The following TCERG1L variants were observed in gnomAD, a reference collection of about 807,000 sequenced individuals.
TCERG1L encodes the protein transcription elongation regulator 1 like.
In TCERG1L, 37 loss-of-function variants were observed where a neutral mutation model predicts 56.3. The observed-to-expected ratio is 0.66, with a 90% CI of 0.51 to 0.87. TCERG1L has a LOEUF of 0.87. TCERG1L is among the 40% of genes least tolerant of loss of function. TCERG1L has a pLI of 0.00. For synonymous variants in TCERG1L, 324 were observed against 326.3 expected (o/e 0.99, Z 0.08); for missense variants, 799 against 774.2 (o/e 1.03, Z -0.38).
chr10:131,260,483 C>T lies in TCERG1L; in HGVS notation c.671-39G>A. The T allele has an allele frequency of 1.5e-6, 2 of 1,362,840 alleles. No homozygotes were observed. Among genetic ancestry groups the T allele is most frequent in the African/African-American group, 1.5e-5 (1 of 65,254 alleles). 84.4% of individuals were successfully genotyped at this position (1,362,840 alleles called of 1,614,324 possible). A position where few individuals can be genotyped will look rare whatever the true frequency, so the allele number is the denominator to read the frequency against. On this transcript the variant is annotated intron_variant, in intron 3 of 11. Transcript: ENST00000368642. This position sits in a 1 kb window ranked among gnomAD's most constrained non-coding sequence, Gnocchi z 5.8. ...ATGCAGAGGGTCAGCAAGGGGACGACCAGGGCCATGGGTGACAGATGCCCA... is the reference window on the plus strand; with the variant it reads ...ATGCAGAGGGTCAGCAAGGGGACGATCAGGGCCATGGGTGACAGATGCCCA...
At chr10:131,272,895 AGTGTT>A (rs1202072528) in intron 3 of TCERG1L, among the ~76,000 whole-genome samples, 1 of 151,886 alleles carries the variant, frequency 6.6e-6, no homozygotes, top group African/African-American at 2.4e-5. Context: ...GGGTGGGGAG[AGTGTT>A]GTTTAGAGGA....
chr10:131,196,719 G>A (rs774741082), intron 4 of TCERG1L, among the ~76,000 whole-genome samples: 15 of 152,180 alleles, frequency 9.9e-5, no homozygotes, highest in Non-Finnish European at 1.6e-4. Context: ...CCCGTGACTC[G>A]GCCTGACTGG....
At chr10:131,123,365 G>C (rs148135626) in intron 8 of TCERG1L, among the ~76,000 whole-genome samples, 29 of 152,328 alleles carry the variant, frequency 1.9e-4, no homozygotes, top group African/African-American at 6.7e-4. Context: ...TCACAAGGCA[G>C]GCAGGACACC....
rs562419406 is a variant in TCERG1L at position 131,138,532 on chromosome 10, A to C, written c.1190-4084T>G. ...TCTACTTTTCAACAAAAAACTCAAA[A>C]GCATGCAAAACCAGGAAAGTAGGGC... On this transcript the variant is annotated intron_variant, in intron 7 of 11. Coordinates refer to ENST00000368642, the MANE Select transcript of TCERG1L (RefSeq NM_174937.4). Among the ~76,000 whole-genome samples the C allele has an allele frequency of 9.5e-4, 144 of 152,212 alleles. 1 individual carries two copies. Among genetic ancestry groups the C allele is most frequent in the Non-Finnish European group, 1.8e-3 (121 of 68,040 alleles).
rs1365895080 is a variant in TCERG1L at position 131,116,850 on chromosome 10, CAGGAGGAT to C, written c.1336_1343del (p.Ile446AlafsTer34). The C allele has an allele frequency of 3.2e-6, 5 of 1,584,088 alleles. No individual in the cohort carries two copies. The South Asian group carries it at 5.8e-5, about 18-fold the overall frequency. ...AGTGGGTCACACGCTCCTCCAGAGG[CAGGAGGAT>C]CTGCGGGGGCGGCGTCCTTGTGCCT... On this transcript the variant is annotated frameshift_variant, in exon 9 of 12. Transcript: ENST00000368642. LOFTEE classifies it high-confidence loss of function.
chr10:131,291,788 A>C (rs887777756), intron 3 of TCERG1L, among the ~76,000 whole-genome samples: 3 of 152,092 alleles, frequency 2.0e-5, no homozygotes, highest in African/African-American at 7.2e-5. Flanking sequence ...CTGTAAAAAA[A>C]AAAAATTACT....
intron 3 of TCERG1L, among the ~76,000 whole-genome samples, chr10:131,291,499 T>C (rs868592792): frequency 1.5e-5 from 2 of 132,270 alleles, no homozygotes; most frequent in African/African-American, 5.6e-5. Flanking sequence ...TGATCTCGGC[T>C]CACTGCAAGC....
intron 4 of TCERG1L, among the ~76,000 whole-genome samples, chr10:131,249,052 G>A (rs916403557): frequency 6.6e-5 from 10 of 152,226 alleles, no homozygotes; most frequent in African/African-American, 2.4e-4. Flanking sequence ...AAGGGAAAAG[G>A]TTCCCTCTCA....
intron 9 of TCERG1L, among the ~76,000 whole-genome samples, chr10:131,106,849 C>T (rs979158670): frequency 1.3e-5 from 2 of 152,188 alleles, no homozygotes; most frequent in Non-Finnish European, 2.9e-5. Context: ...GAATTTTCTT[C>T]ACTGGCAATT....
intron 8 of TCERG1L, among the ~76,000 whole-genome samples, chr10:131,120,171 G>A (rs1190633969): frequency 1.3e-5 from 2 of 152,116 alleles, no homozygotes; most frequent in African/African-American, 4.8e-5. Context: ...GTGTGTGTGT[G>A]AGCTTGTGTG....
intron 3 of TCERG1L, among the ~76,000 whole-genome samples, chr10:131,297,264 T>C (rs1307759336): frequency 1.3e-5 from 2 of 152,204 alleles, no homozygotes; most frequent in Non-Finnish European, 2.9e-5. Flanking sequence ...CGGTTTTTTG[T>C]ATTGTTTTGT....
At position 131,267,929 on chromosome 10, in the gene TCERG1L, G is replaced by A. The variant is rs1468296270; in HGVS notation, c.671-7485C>T. The stretch of plus-strand genomic sequence containing the variant: ...GCCCTAGTGCTCAGGGGTGGTCCAG[G>A]GCTCCCCTTTGCCCAGCTCACAACC... On this transcript the variant is annotated intron_variant, in intron 3 of 11. Coordinates refer to ENST00000368642, the MANE Select transcript of TCERG1L (RefSeq NM_174937.4). The surrounding 1 kb of genome is among the most constrained non-coding windows in gnomAD (Gnocchi z 4.9). Among the ~76,000 whole-genome samples, 2 of 152,180 alleles carry A rather than the reference G, an allele frequency of 1.3e-5. No homozygotes were observed. The highest frequency in any genetic ancestry group is 2.9e-5 in the Non-Finnish European group (2 of 68,026).
intron 4 of TCERG1L, among the ~76,000 whole-genome samples, chr10:131,171,287 G>A (rs183248327): frequency 6.6e-6 from 1 of 152,102 alleles, no homozygotes; most frequent in Admixed American, 6.5e-5. Flanking sequence ...CAATCAATTC[G>A]CCCTGTTTCC....
At chr10:131,259,161 A>G (rs989256503) in intron 4 of TCERG1L, among the ~76,000 whole-genome samples, 1 of 152,230 alleles carries the variant, frequency 6.6e-6, no homozygotes, top group Non-Finnish European at 1.5e-5. Flanking sequence ...AAAAGACCAC[A>G]TTAGATTTAC....
At chr10:131,294,766 T>A (rs930527301) in intron 3 of TCERG1L, among the ~76,000 whole-genome samples, 8 of 152,152 alleles carry the variant, frequency 5.3e-5, no homozygotes, top group African/African-American at 1.9e-4. Context: ...TATTGTCCAT[T>A]TTTTTCTTTG....
At chr10:131,301,259 T>A (rs1846759700) in intron 3 of TCERG1L, among the ~76,000 whole-genome samples, 1 of 152,044 alleles carries the variant, frequency 6.6e-6, no homozygotes, top group African/African-American at 2.4e-5. Context: ...CGTGGAGGAT[T>A]TTTAAAGGCT....
chr10:131,280,302 G>C (rs755167824), intron 3 of TCERG1L, among the ~76,000 whole-genome samples: 1 of 151,638 alleles, frequency 6.6e-6, no homozygotes, highest in African/African-American at 2.4e-5. Flanking sequence ...TAGAATGGGA[G>C]GCAGGTTGGC....
chr10:131,199,817 G>A (rs1035259762), intron 4 of TCERG1L, among the ~76,000 whole-genome samples: 1 of 152,150 alleles, frequency 6.6e-6, no homozygotes, highest in Non-Finnish European at 1.5e-5. Flanking sequence ...AATCCCACCC[G>A]ACAGCTTTGT....
At position 131,147,851 on chromosome 10, in the gene TCERG1L, C is replaced by T. The variant is rs182455991; in HGVS notation, c.1035-1191G>A. Among the ~76,000 whole-genome samples the T allele has an allele frequency of 3.0e-3, 459 of 152,348 alleles. 2 individuals carry two copies. Among genetic ancestry groups the T allele is most frequent in the South Asian group, 0.027 (131 of 4,830 alleles). On this transcript the variant is annotated intron_variant, in intron 6 of 11. Transcript: ENST00000368642. ...CACTCCCGCCAGCCTCGCACAGGTT[C>T]GGGAGGAGCTGGGGATTCGTGCCAA...
Sources: gnomAD v4.1 joint callset for allele counts (sites outside exome capture counted in the v4.1 genomes callset) on GRCh38, gnomAD v4.1.1 for gene constraint, Gnocchi (gnomAD v3.1) non-coding constraint, MANE v1.5 for transcripts, NCBI Gene and HGNC (gene_info 2026-07-23, HGNC 2026-07-21) for gene names.